The following PRKAR2B variants were observed in gnomAD, a reference collection of about 807,000 sequenced individuals.
PRKAR2B encodes the protein protein kinase cAMP-dependent type II regulatory subunit beta.
A neutral mutation model predicts 49.9 loss-of-function variants in PRKAR2B; 14 were observed. The ratio of observed to expected loss-of-function variants is 0.28; its 90% CI spans 0.19 to 0.44. The LOEUF (loss-of-function observed/expected upper bound fraction) is 0.44, where lower values mean the gene tolerates loss of function less well. Ranked by LOEUF, PRKAR2B falls within the 20% of genes least tolerant of loss-of-function variation. The probability of loss-of-function intolerance (pLI) is 1.00; values close to 1 mark genes in which losing one functional copy is unlikely to be tolerated. For missense variants in PRKAR2B, 393 were observed against 537.9 expected (o/e 0.73, Z 2.67); for synonymous variants, 196 against 197.7 (o/e 0.99, Z 0.07).
chr7:107,076,383 A>G (rs937031320), intron 2 of PRKAR2B, among the ~76,000 whole-genome samples: 1 of 151,936 alleles, frequency 6.6e-6, no homozygotes, highest in Non-Finnish European at 1.5e-5. Flanking sequence ...ATTGCATTTA[A>G]TTGTCATGAC....
intron 6 of PRKAR2B, 39 bp from the exon 7 acceptor site, chr7:107,150,883 A>G (rs999121533): frequency 2.9e-6 from 3 of 1,019,090 alleles, no homozygotes; most frequent in Non-Finnish European, 4.5e-6. Context: ...GTATAGCTTT[A>G]CCCCCATAAA....
intron 2 of PRKAR2B, chr7:107,077,371 A>G (rs1204252112): frequency 1.3e-5 from 2 of 152,230 alleles, no homozygotes; most frequent in African/African-American, 4.8e-5. Flanking sequence ...ATAGTGTAGT[A>G]AATGCCGTAA....
intron 1 of PRKAR2B, among the ~76,000 whole-genome samples, chr7:107,062,143 C>T (rs978707235): frequency 6.6e-6 from 1 of 151,982 alleles, no homozygotes; most frequent in African/African-American, 2.4e-5. Context: ...AAGCATTCAC[C>T]CACCTATGAC....
At chr7:107,149,978 CCTA>C (rs1470723456) in intron 6 of PRKAR2B, among the ~76,000 whole-genome samples, 10 of 151,742 alleles carry the variant, frequency 6.6e-5, no homozygotes, top group African/African-American at 1.9e-4. Context: ...TAAATATACA[CCTA>C]CTATGTACCC....
intron 8 of PRKAR2B, among the ~76,000 whole-genome samples, chr7:107,153,943 C>G (rs1280963668): frequency 6.6e-6 from 1 of 152,180 alleles, no homozygotes; most frequent in Non-Finnish European, 1.5e-5. Context: ...CTGTTTTGTG[C>G]TCTTTATCTG....
rs10226169 is a variant in PRKAR2B, at chr7:107,097,415, A to T, written c.344-24537A>T. ...AGCTATGTGTATCTCTGCACGTGAG[A>T]TGGGTCTTGTGAATACAGGACACTG... On this transcript the variant is annotated intron_variant, in intron 2 of 10. Coordinates refer to ENST00000265717, the MANE Select transcript of PRKAR2B (RefSeq NM_002736.3). Among the ~76,000 whole-genome samples the T allele has an allele frequency of 9.5e-3, 1,444 of 152,012 alleles. 15 individuals are homozygous for T. Among genetic ancestry groups the T allele is most frequent in the African/African-American group, 0.032 (1,346 of 41,442 alleles).
chr7:107,084,062 G>T (rs1203520827), intron 2 of PRKAR2B, among the ~76,000 whole-genome samples: 1 of 152,086 alleles, frequency 6.6e-6, no homozygotes, highest in Non-Finnish European at 1.5e-5. Context: ...TCCTGTTATA[G>T]TTTTTATCCT....
chr7:107,146,261 A>C, intron 5 of PRKAR2B, 47 bp from the exon 6 acceptor site: 2 of 1,557,714 alleles, frequency 1.3e-6, no homozygotes, highest in Non-Finnish European at 1.7e-6. Flanking sequence ...GTTTTATTTT[A>C]ATGATATTTT....
chr7:107,044,714 G>C lies in PRKAR2B; in HGVS notation c.-194G>C, dbSNP rs1793651938. ...CTCCCGGGGCCGCGCTCGCTCAGCC[G>C]CCGCCACCACACGGAGCAGACGCGC... On this transcript the variant is annotated 5_prime_UTR_variant, in exon 1 of 11. Coordinates refer to ENST00000265717, the MANE Select transcript of PRKAR2B (RefSeq NM_002736.3). 5.3e-6 allele frequency: 1 copy of C among 189,306 alleles called. No individual in the cohort carries two copies. The highest frequency in any genetic ancestry group is 6.3e-5 in the Admixed American group (1 of 15,840). The allele number at this position is 189,306 out of a possible 1,614,324, so 11.7% of individuals were successfully genotyped here. A position where few individuals can be genotyped will look rare whatever the true frequency, so the allele number is the denominator to read the frequency against.
chr7:107,081,619 C>T (rs1410417961), intron 2 of PRKAR2B, among the ~76,000 whole-genome samples: 13 of 152,246 alleles, frequency 8.5e-5, no homozygotes, highest in East Asian at 7.7e-4. Flanking sequence ...AGGGTCTTCC[C>T]CTTCCCTGCA....
At chr7:107,151,914 C>T (rs1391901931) in intron 7 of PRKAR2B, among the ~76,000 whole-genome samples, 1 of 152,230 alleles carries the variant, frequency 6.6e-6, no homozygotes, top group Non-Finnish European at 1.5e-5. Context: ...CCTGTACTGT[C>T]CATATATTGA....
intron 2 of PRKAR2B, among the ~76,000 whole-genome samples, chr7:107,113,325 T>G (rs1049250123): frequency 6.6e-6 from 1 of 152,224 alleles, no homozygotes; most frequent in Admixed American, 6.5e-5. Flanking sequence ...TCTAAACAAT[T>G]AGAGCATTGG....
chr7:107,097,879 A>G (rs959263176), intron 2 of PRKAR2B, among the ~76,000 whole-genome samples: 43 of 152,250 alleles, frequency 2.8e-4, no homozygotes, highest in Middle Eastern at 6.8e-3. Context: ...CGAGAGATCC[A>G]CTGTTAGTCT....
chr7:107,060,523 GT>G lies in PRKAR2B; in HGVS notation c.308-9755del, dbSNP rs1237555867. ...TTCCTGTTCATTGACTGTATTTGTA[GT>G]TTATTTTCTTTGAAAATTTTTTGCC... On this transcript the variant is annotated intron_variant, in intron 1 of 10. Transcript: ENST00000265717. 2.0e-5 allele frequency among the ~76,000 whole-genome samples: 3 copies of G among 152,102 alleles called. No homozygotes were observed. The East Asian group carries it at 5.8e-4, about 29-fold the overall frequency.
At chr7:107,051,242 G>A (rs549921388) in intron 1 of PRKAR2B, among the ~76,000 whole-genome samples, 1 of 152,216 alleles carries the variant, frequency 6.6e-6, no homozygotes, top group African/African-American at 2.4e-5. Flanking sequence ...TTAAAAGGAT[G>A]GGCTAAAGAA....
chr7:107,144,534 C>T (rs1017859722), intron 5 of PRKAR2B, among the ~76,000 whole-genome samples: 1 of 152,118 alleles, frequency 6.6e-6, no homozygotes, highest in Non-Finnish European at 1.5e-5. Context: ...AGTCACAGCT[C>T]ACTGCAGCCT....
At chr7:107,144,408 T>C (rs1795850828) in intron 5 of PRKAR2B, among the ~76,000 whole-genome samples, 1 of 152,018 alleles carries the variant, frequency 6.6e-6, no homozygotes, top group Non-Finnish European at 1.5e-5. Context: ...TATTTTCTTC[T>C]GTCTATCATG....
At chr7:107,150,725 A>G (rs1430389357) in intron 6 of PRKAR2B, among the ~76,000 whole-genome samples, 197 bp from the exon 7 acceptor site, 7 of 146,276 alleles carry the variant, frequency 4.8e-5, no homozygotes, top group African/African-American at 1.8e-4. Context: ...AAAAAAAAGA[A>G]AACAGTATTT....
At chr7:107,144,310 A>T (rs554599029) in intron 5 of PRKAR2B, among the ~76,000 whole-genome samples, 1 of 151,312 alleles carries the variant, frequency 6.6e-6, no homozygotes, top group Non-Finnish European at 1.5e-5. Context: ...CTGGTCTCAA[A>T]CTCCTGACCT....
Sources: allele counts gnomAD v4.1 joint callset (sites outside exome capture counted in the v4.1 genomes callset), GRCh38; gene constraint gnomAD v4.1.1; transcripts MANE v1.5; gene names NCBI Gene and HGNC (gene_info 2026-07-23, HGNC 2026-07-21).